The following GREB1L variants were observed in gnomAD, a reference collection of about 807,000 sequenced individuals.
GREB1L encodes GREB1-like protein.
In GREB1L, 17 loss-of-function variants were observed where a neutral mutation model predicts 200.8. That is an observed-to-expected ratio of 0.08 (90% confidence interval 0.06 to 0.13). The LOEUF (loss-of-function observed/expected upper bound fraction) is 0.13. Among genes scored for constraint, GREB1L ranks in the 10% least tolerant of loss-of-function variants. The probability of loss-of-function intolerance (pLI) is 1.00; values close to 1 mark genes in which losing one functional copy is unlikely to be tolerated. For synonymous variants in GREB1L, 789 were observed against 893.0 expected, an observed-to-expected ratio of 0.88 and a Z score of 2.08; for missense variants, 1,657 against 2,367.7, an observed-to-expected ratio of 0.70 and a Z score of 6.23.
chr18:21,490,416 A>C (rs986520156), intron 19 of GREB1L, 65 bp downstream of exon 19: 2 of 1,398,954 alleles, frequency 1.4e-6, no homozygotes, highest in African/African-American at 1.4e-5. Flanking sequence ...GGAATCCTAC[A>C]TAGGTGGCTC....
intron 1 of GREB1L, among the ~76,000 whole-genome samples, chr18:21,253,070 G>A (rs995977242): frequency 9.2e-5 from 14 of 152,004 alleles, no homozygotes; most frequent in Admixed American, 6.6e-4. Context: ...TTAAGACAGA[G>A]CTTTGTTGGA....
At chr18:21,513,092 C>T (rs1040536699) in intron 27 of GREB1L, among the ~76,000 whole-genome samples, 2 of 152,154 alleles carry the variant, frequency 1.3e-5, no homozygotes, top group African/African-American at 4.8e-5. Context: ...CCTATGAGAT[C>T]GGCATTATTA....
chr18:21,358,471 A>G (rs1442240378), intron 1 of GREB1L, among the ~76,000 whole-genome samples: 2 of 152,072 alleles, frequency 1.3e-5, no homozygotes, highest in Non-Finnish European at 2.9e-5. Flanking sequence ...GCCTGCCACC[A>G]CACCCGGCTA....
intron 25 of GREB1L, among the ~76,000 whole-genome samples, chr18:21,507,513 A>C (rs979788017): frequency 6.6e-6 from 1 of 152,322 alleles, no homozygotes; most frequent in Non-Finnish European, 1.5e-5. Flanking sequence ...ATTCACTGAG[A>C]TAGGTTACTG....
At chr18:21,367,308 A>G (rs929294005) in intron 2 of GREB1L, among the ~76,000 whole-genome samples, 5 of 152,242 alleles carry the variant, frequency 3.3e-5, no homozygotes, top group Non-Finnish European at 7.3e-5. Context: ...GGCAACGTCT[A>G]TAAGAGTCAA....
At chr18:21,447,280 G>A (rs895325797) in intron 11 of GREB1L, among the ~76,000 whole-genome samples, 6 of 151,842 alleles carry the variant, frequency 4.0e-5, no homozygotes, top group Non-Finnish European at 5.9e-5. Context: ...CAGAGACCCT[G>A]TCTCTAATTA....
intron 10 of GREB1L, among the ~76,000 whole-genome samples, chr18:21,442,354 G>T (rs1445261914): frequency 6.6e-6 from 1 of 152,180 alleles, no homozygotes; most frequent in Non-Finnish European, 1.5e-5. Flanking sequence ...GTTGGCCTGA[G>T]CCTGCCTAAT....
intron 7 of GREB1L, among the ~76,000 whole-genome samples, chr18:21,419,668 T>G (rs1465846939): frequency 6.6e-6 from 1 of 152,210 alleles, no homozygotes; most frequent in African/African-American, 2.4e-5. Context: ...CAGGCTGTCT[T>G]GAACTCCTGA....
At chr18:21,476,677 T>C (rs1278261453) in intron 16 of GREB1L, among the ~76,000 whole-genome samples, 1 of 152,056 alleles carries the variant, frequency 6.6e-6, no homozygotes, top group Non-Finnish European at 1.5e-5. Context: ...CAAGCAATTC[T>C]CCTGCCTTAG....
intron 15 of GREB1L, among the ~76,000 whole-genome samples, chr18:21,464,283 AC>A (rs1426678662): frequency 6.6e-6 from 1 of 152,102 alleles, no homozygotes; most frequent in Non-Finnish European, 1.5e-5. Context: ...TAATCCCAGC[AC>A]TTTGGGAGGC....
intron 18 of GREB1L, among the ~76,000 whole-genome samples, chr18:21,487,649 T>C (rs925488614): frequency 6.6e-6 from 1 of 152,148 alleles, no homozygotes; most frequent in Non-Finnish European, 1.5e-5. Flanking sequence ...ATCAGTTGTA[T>C]GAACTGGGAC....
chr18:21,270,082 C>A (rs1224412781), intron 1 of GREB1L, among the ~76,000 whole-genome samples: 1 of 152,182 alleles, frequency 6.6e-6, no homozygotes, highest in African/African-American at 2.4e-5. Context: ...TGTGTATGTA[C>A]ATGCATTTAG....
intron 1 of GREB1L, among the ~76,000 whole-genome samples, chr18:21,326,024 T>C (rs1051752237): frequency 1.3e-5 from 2 of 151,962 alleles, no homozygotes; most frequent in Non-Finnish European, 2.9e-5. Context: ...ATAATGTATA[T>C]AATAAATTAG....
At chr18:21,362,845 G>A (rs1193129223) in intron 1 of GREB1L, among the ~76,000 whole-genome samples, 1 of 152,174 alleles carries the variant, frequency 6.6e-6, no homozygotes, top group Non-Finnish European at 1.5e-5. Context: ...AACCTAGATG[G>A]CATCAAGCAG....
chr18:21,357,344 G>A (rs1209422147), intron 1 of GREB1L, among the ~76,000 whole-genome samples: 2 of 152,214 alleles, frequency 1.3e-5, no homozygotes, highest in African/African-American at 2.4e-5. Context: ...GAGCCTCTGC[G>A]CCCAGCCTAC....
At chr18:21,277,002 C>G (rs530130604) in intron 1 of GREB1L, among the ~76,000 whole-genome samples, 1 of 143,154 alleles carries the variant, frequency 7.0e-6, no homozygotes, top group Non-Finnish European at 1.5e-5. Context: ...GATCTTGGCT[C>G]GCTGTAAGCT....
At chr18:21,479,123 C>G (rs1018054158) in intron 17 of GREB1L, among the ~76,000 whole-genome samples, 2 of 152,050 alleles carry the variant, frequency 1.3e-5, no homozygotes, top group Non-Finnish European at 2.9e-5. Context: ...CTCAGTTGAT[C>G]CACTCACCTC....
intron 1 of GREB1L, among the ~76,000 whole-genome samples, chr18:21,257,476 C>T (rs2037819407): frequency 6.6e-6 from 1 of 152,060 alleles, no homozygotes; most frequent in African/African-American, 2.4e-5. Flanking sequence ...ATTAAATGGA[C>T]CATTTGCATA....
chr18:21,478,294 TA>T (rs2035788674), intron 17 of GREB1L, among the ~76,000 whole-genome samples: 1 of 152,210 alleles, frequency 6.6e-6, no homozygotes, highest in South Asian at 2.1e-4. Context: ...CTCCAATCTC[TA>T]ATATTGAAAA....
Sources: allele counts gnomAD v4.1 joint callset (sites outside exome capture counted in the v4.1 genomes callset), GRCh38; gene constraint gnomAD v4.1.1; transcripts MANE v1.5; gene names NCBI Gene and HGNC (gene_info 2026-07-23, HGNC 2026-07-21).